ARB2A: variants seen among roughly 807,000 people sequenced by gnomAD.
The protein encoded by ARB2A is cotranscriptional regulator ARB2A.
At chr5:93,811,947 T>C in the ARB2A span, among the ~76,000 whole-genome samples, 1 of 152,116 alleles carries the variant, frequency 6.6e-6, no homozygotes, top group African/African-American at 2.4e-5. Flanking sequence ...TAGGCCATCA[T>C]GGCTGGCTGA....
chr5:93,753,530 A>G, the ARB2A span, among the ~76,000 whole-genome samples: 19 of 152,198 alleles, frequency 1.2e-4, no homozygotes, highest in Non-Finnish European at 4.4e-5. Context: ...CATATGATCA[A>G]TGGTCCCCTT....
the ARB2A span, among the ~76,000 whole-genome samples, chr5:93,788,075 G>A: frequency 1.3e-5 from 2 of 151,980 alleles, no homozygotes; most frequent in Non-Finnish European, 2.9e-5. Flanking sequence ...TCACTATGTG[G>A]CATGCTCCTA....
the ARB2A span, among the ~76,000 whole-genome samples, chr5:94,091,075 A>G: frequency 6.6e-5 from 10 of 152,360 alleles, no homozygotes; most frequent in African/African-American, 2.2e-4. Context: ...TCTTCATTTC[A>G]AGAGAGAAAG....
At chr5:93,936,940 GTTT>G in the ARB2A span, among the ~76,000 whole-genome samples, 2 of 133,562 alleles carry the variant, frequency 1.5e-5, no homozygotes, top group Non-Finnish European at 3.3e-5. Context: ...AATTATAAAG[GTTT>G]TTTTTTTTTT....
At chr5:93,797,961 G>A in the ARB2A span, among the ~76,000 whole-genome samples, 27 of 152,018 alleles carry the variant, frequency 1.8e-4, no homozygotes, top group African/African-American at 6.3e-4. Flanking sequence ...GTGTCTGAAG[G>A]GAGGAGAGTG....
At chr5:93,980,363 T>G in the ARB2A span, among the ~76,000 whole-genome samples, 3 of 152,174 alleles carry the variant, frequency 2.0e-5, no homozygotes, top group African/African-American at 7.2e-5. Context: ...CATGCTTCAT[T>G]ATCTGCTTGC....
chr5:93,889,644 G>A, the ARB2A span, among the ~76,000 whole-genome samples: 1 of 151,708 alleles, frequency 6.6e-6, no homozygotes, highest in African/African-American at 2.4e-5. Context: ...TCATTAGATG[G>A]CAAAAACTCT....
At chr5:93,829,873 G>C in the ARB2A span, among the ~76,000 whole-genome samples, 2 of 152,148 alleles carry the variant, frequency 1.3e-5, no homozygotes, top group Non-Finnish European at 2.9e-5. Context: ...ATGAAGTTGT[G>C]ACTAAGAAAT....
At chr5:93,933,170 G>A in the ARB2A span, among the ~76,000 whole-genome samples, 1 of 152,188 alleles carries the variant, frequency 6.6e-6, no homozygotes, top group Non-Finnish European at 1.5e-5. Flanking sequence ...TGGAGAGGAT[G>A]TAGAGAAATA....
the ARB2A span, among the ~76,000 whole-genome samples, chr5:93,842,292 A>G: frequency 4.6e-5 from 7 of 152,164 alleles, no homozygotes; most frequent in African/African-American, 1.7e-4. Flanking sequence ...AGTCATGTAC[A>G]CTTGTTTATA....
chr5:93,949,030 A>C, the ARB2A span, among the ~76,000 whole-genome samples: 1 of 152,162 alleles, frequency 6.6e-6, no homozygotes, highest in Non-Finnish European at 1.5e-5. Flanking sequence ...TATGTGATAC[A>C]GATCATGTGT....
chr5:93,680,382 C>G, the ARB2A span, among the ~76,000 whole-genome samples: 2 of 151,956 alleles, frequency 1.3e-5, no homozygotes, highest in Non-Finnish European at 2.9e-5. Flanking sequence ...CTAGAAGAAA[C>G]AGAGTCTCAG....
At chr5:93,817,014 AG>A in the ARB2A span, among the ~76,000 whole-genome samples, 364 of 152,168 alleles carry the variant, frequency 2.4e-3, 3 homozygotes, top group African/African-American at 8.6e-3. Context: ...CAGATTGAAA[AG>A]GAAGAAGTAA....
the ARB2A span, among the ~76,000 whole-genome samples, chr5:94,083,758 T>C: frequency 6.6e-6 from 1 of 151,754 alleles, no homozygotes; most frequent in South Asian, 2.1e-4. Context: ...GAAATCAAAG[T>C]TATCATTATT....
chr5:93,816,572 G>A, the ARB2A span, among the ~76,000 whole-genome samples: 1 of 152,082 alleles, frequency 6.6e-6, no homozygotes, highest in Admixed American at 6.5e-5. Flanking sequence ...AACAATGCAG[G>A]GAAGGCAGTA....
chr5:93,740,921 C>T, the ARB2A span: 1 of 1,613,884 alleles, frequency 6.2e-7, no homozygotes, highest in African/African-American at 1.3e-5. Context: ...TCTCTGCTTG[C>T]CCGTCTCCAC....
the ARB2A span, among the ~76,000 whole-genome samples, chr5:93,922,748 C>T: frequency 2.7e-5 from 4 of 149,896 alleles, no homozygotes; most frequent in East Asian, 7.9e-4. Flanking sequence ...CAGTGCCAGA[C>T]GATAAGGAAA....
the ARB2A span, among the ~76,000 whole-genome samples, chr5:93,806,438 AAGATC>A: frequency 6.6e-6 from 1 of 151,868 alleles, no homozygotes; most frequent in Non-Finnish European, 1.5e-5. Flanking sequence ...TTTTCAATAT[AAGATC>A]ATATTTCCTC....
the ARB2A span, chr5:94,053,025 T>C: frequency 4.0e-6 from 2 of 503,920 alleles, no homozygotes; most frequent in East Asian, 7.1e-5. Flanking sequence ...GCAAATAATA[T>C]CTGTCTTATT....
Sources: allele counts gnomAD v4.1 joint callset (sites outside exome capture counted in the v4.1 genomes callset), GRCh38; gene constraint gnomAD v4.1.1; transcripts MANE v1.5; gene names NCBI Gene and HGNC (gene_info 2026-07-23, HGNC 2026-07-21).